Variants in GRK5 observed in about 807,000 individuals in gnomAD.
GRK5 encodes g protein-coupled receptor kinase GRK5.
A neutral mutation model predicts 78.4 loss-of-function variants in GRK5; 40 were observed. The ratio of observed to expected loss-of-function variants is 0.51; its 90% CI spans 0.40 to 0.66. The LOEUF (loss-of-function observed/expected upper bound fraction) is 0.66, where lower values mean the gene tolerates loss of function less well. Ranked by LOEUF, GRK5 falls within the 30% of genes least tolerant of loss-of-function variation. GRK5 has a pLI of 0.00. For missense variants in GRK5, 598 were observed against 759.9 expected (o/e 0.79, Z 2.50); for synonymous variants, 289 against 296.8 (o/e 0.97, Z 0.27).
In GRK5 at chr10:119,453,153, A is replaced by C; in HGVS notation, c.1551A>C (p.Glu517Asp). Residue 517 changes from glutamate (E) to aspartate (D), a missense_variant, in exon 15 of 16, where the codon GAA becomes GAC. By Grantham distance (45) the Glu-to-Asp change is conservative. Transcript: ENST00000392870. ...VSIPWQNEMIETECFKELNVF... is the reference protein window; with the variant it reads ...VSIPWQNEMIDTECFKELNVF... ...TTTCACGGCCCCTCCAGATGATAGA[A>C]ACAGAATGCTTTAAGGAGCTGAACG... 1.9e-6 allele frequency: 3 copies of C among 1,545,918 alleles called. No homozygotes were observed. Among genetic ancestry groups the C allele is most frequent in the Non-Finnish European group, 2.7e-6 (3 of 1,117,824 alleles).
intron 6 of GRK5, among the ~76,000 whole-genome samples, chr10:119,428,239 C>G (rs577443071): frequency 6.6e-6 from 1 of 152,262 alleles, no homozygotes; most frequent in African/African-American, 2.4e-5. Flanking sequence ...TCCAGCCCAC[C>G]GCTACCAGCT....
intron 1 of GRK5, among the ~76,000 whole-genome samples, chr10:119,316,697 A>G (rs903874336): frequency 6.6e-6 from 1 of 152,238 alleles, no homozygotes; most frequent in African/African-American, 2.4e-5. Context: ...TGAGAGTCCC[A>G]GATGTGAAGC....
At chr10:119,228,377 GC>G (rs755748259) in intron 1 of GRK5, among the ~76,000 whole-genome samples, 1 of 143,678 alleles carries the variant, frequency 7.0e-6, no homozygotes, top group South Asian at 2.2e-4. Context: ...AAACCAACCC[GC>G]CCCCCCGCAA....
chr10:119,447,045 A>G (rs1036193888), intron 12 of GRK5, among the ~76,000 whole-genome samples: 2 of 152,238 alleles, frequency 1.3e-5, no homozygotes, highest in Non-Finnish European at 2.9e-5. Flanking sequence ...GCGCTCAGTA[A>G]GGCAGAGGAG....
chr10:119,265,706 C>G (rs555845572), intron 1 of GRK5, among the ~76,000 whole-genome samples: 31 of 152,344 alleles, frequency 2.0e-4, no homozygotes, highest in African/African-American at 7.5e-4. Context: ...GAGTGAGTGC[C>G]TGGGCTCCAC....
chr10:119,358,963 G>C (rs1851312295), intron 2 of GRK5, among the ~76,000 whole-genome samples: 2 of 152,254 alleles, frequency 1.3e-5, no homozygotes, highest in South Asian at 4.2e-4. Context: ...CTATCAGTTA[G>C]GGCCCCACCC....
intron 2 of GRK5, among the ~76,000 whole-genome samples, chr10:119,367,295 C>T (rs1851465231): frequency 6.6e-6 from 1 of 152,212 alleles, no homozygotes; most frequent in Non-Finnish European, 1.5e-5. Context: ...TCTCCCCCAT[C>T]TCTCATCTGG....
At chr10:119,307,502 C>A (rs1160626732) in intron 1 of GRK5, among the ~76,000 whole-genome samples, 1 of 152,020 alleles carries the variant, frequency 6.6e-6, no homozygotes, top group African/African-American at 2.4e-5. Flanking sequence ...AAAGACCTGA[C>A]CAGCGACTGC....
chr10:119,214,837 A>C (rs1384644216), intron 1 of GRK5, among the ~76,000 whole-genome samples: 2 of 152,184 alleles, frequency 1.3e-5, no homozygotes, highest in African/African-American at 4.8e-5. Flanking sequence ...GTTTTTATGA[A>C]GGTCTGTTCC....
At chr10:119,316,713 T>C (rs1388010796) in intron 1 of GRK5, among the ~76,000 whole-genome samples, 2 of 152,178 alleles carry the variant, frequency 1.3e-5, no homozygotes, top group African/African-American at 4.8e-5. Flanking sequence ...GAAGCTGCCA[T>C]GGATGTGCCA....
intron 1 of GRK5, among the ~76,000 whole-genome samples, chr10:119,288,030 G>A (rs1181858457): frequency 6.6e-6 from 1 of 152,224 alleles, no homozygotes; most frequent in East Asian, 1.9e-4. Context: ...CAGGTAGAAC[G>A]GCCTGTGCCT....
intron 3 of GRK5, among the ~76,000 whole-genome samples, chr10:119,381,406 G>A (rs553629801): frequency 6.6e-6 from 1 of 152,360 alleles, no homozygotes; most frequent in East Asian, 1.9e-4. Flanking sequence ...GCCTCACACA[G>A]TGCCCAGAAT....
intron 1 of GRK5, among the ~76,000 whole-genome samples, chr10:119,248,815 A>G (rs1298737998): frequency 6.6e-6 from 1 of 152,124 alleles, no homozygotes; most frequent in Non-Finnish European, 1.5e-5. Flanking sequence ...TGGATCTATT[A>G]TCTAGGGCTT....
At chr10:119,399,727 A>G (rs1021755868) in intron 4 of GRK5, among the ~76,000 whole-genome samples, 4 of 152,202 alleles carry the variant, frequency 2.6e-5, no homozygotes, top group Non-Finnish European at 5.9e-5. Flanking sequence ...GCATTTCTCA[A>G]AGTTATTGAC....
At chr10:119,404,985 G>A (rs1004447767) in intron 4 of GRK5, among the ~76,000 whole-genome samples, 3 of 152,230 alleles carry the variant, frequency 2.0e-5, no homozygotes, top group African/African-American at 4.8e-5. Flanking sequence ...GTTACTTGTA[G>A]GACATTTTGC....
intron 2 of GRK5, among the ~76,000 whole-genome samples, chr10:119,368,029 C>A (rs2133817211): frequency 6.6e-6 from 1 of 152,360 alleles, no homozygotes; most frequent in African/African-American, 2.4e-5. Flanking sequence ...CCCTGGCTTG[C>A]CCAGCCGTTT....
intron 2 of GRK5, among the ~76,000 whole-genome samples, chr10:119,355,533 C>A (rs1032997757): frequency 3.9e-5 from 6 of 152,210 alleles, no homozygotes; most frequent in African/African-American, 7.2e-5. Flanking sequence ...GTTATCCCAG[C>A]ACTTTGGGAG....
intron 1 of GRK5, among the ~76,000 whole-genome samples, chr10:119,293,647 C>T (rs1196088090): frequency 6.6e-6 from 1 of 152,086 alleles, no homozygotes; most frequent in East Asian, 1.9e-4. Context: ...TCCGGATAGA[C>T]CTTGGGCCTC....
chr10:119,276,221 C>T (rs1849667182), intron 1 of GRK5, among the ~76,000 whole-genome samples: 1 of 152,070 alleles, frequency 6.6e-6, no homozygotes, highest in Admixed American at 6.6e-5. Flanking sequence ...CACCCATTAA[C>T]TCGTCATTTA....
Sources: gnomAD v4.1 joint callset for allele counts (sites outside exome capture counted in the v4.1 genomes callset) on GRCh38, gnomAD v4.1.1 for gene constraint, MANE v1.5 for transcripts, NCBI Gene and HGNC (gene_info 2026-07-23, HGNC 2026-07-21) for gene names.